The following PNPLA8 variants were observed in gnomAD, a reference collection of about 807,000 sequenced individuals.
The protein encoded by PNPLA8 is calcium-independent phospholipase A2-gamma.
A neutral mutation model predicts 76.9 loss-of-function variants in PNPLA8; 39 were observed. The ratio of observed to expected loss-of-function variants is 0.51; its 90% confidence interval spans 0.39 to 0.66. The LOEUF is 0.66. PNPLA8 is among the 30% of genes least tolerant of loss of function. The probability of loss-of-function intolerance (pLI) is 0.00; values close to 1 mark genes in which losing one functional copy is unlikely to be tolerated. For missense variants in PNPLA8, 887 were observed against 918.0 expected, an observed-to-expected ratio of 0.97 and a Z score of 0.44; for synonymous variants, 301 against 307.9, an observed-to-expected ratio of 0.98 and a Z score of 0.24.
At position 108,491,421 on chromosome 7, in the gene PNPLA8, T is replaced by G. The variant is rs1487254613; in HGVS notation, c.1672A>C (p.Thr558Pro). 1 of 1,602,186 alleles carries G rather than the reference T, an allele frequency of 6.2e-7. No individual in the cohort carries two copies. Among genetic ancestry groups the G allele is most frequent in the Admixed American group, 1.7e-5 (1 of 60,014 alleles). Residue 558 changes from threonine (T) to proline (P), a missense_variant, in exon 8 of 11, where the codon ACA becomes CCA. By Grantham distance (38) the Thr-to-Pro change is conservative (BLOSUM62 -1). Coordinates refer to ENST00000257694, the MANE Select transcript of PNPLA8 (RefSeq NM_001256007.3). ...ALMIETARNP[T>P]CPKVAAVSTI... is the part of the protein sequence containing the mutation. ...GACTCTAAGCTTACCTTAGGACATG[T>G]GGGGTTTCTTGCTGTTTCAATCATC...
At chr7:108,496,783 C>T (rs1218583401) in intron 6 of PNPLA8, 28 bp from the exon 7 acceptor site, 3 of 1,578,706 alleles carry the variant, frequency 1.9e-6, no homozygotes, top group Non-Finnish European at 2.6e-6. Context: ...TAGCTTTTAT[C>T]AGTGTTAAGT....
chr7:108,514,147 G>T lies in PNPLA8; in HGVS notation c.1203C>A (p.Val401=). The change falls in exon 4 of 11, where the codon GTC becomes GTA. Residue 401 remains valine, a synonymous_variant. Coordinates refer to ENST00000257694, the MANE Select transcript of PNPLA8 (RefSeq NM_001256007.3). ...LEFPEGKGVA[V]KERIIPYLLR... ...GATTAAATAAATTAGAAATTACCTT[G>T]ACAGCCACTCCTTTTCCTTCAGGAA... is the stretch of plus-strand genomic sequence containing the variant. 2 of 1,589,560 alleles carry T rather than the reference G, an allele frequency of 1.3e-6. No homozygotes were observed. The highest frequency in any genetic ancestry group is 1.7e-6 in the Non-Finnish European group (2 of 1,165,786).
At chr7:108,502,442 C>CAAAAAAAAAAAA in intron 5 of PNPLA8, 49 bp downstream of exon 5, 1 of 623,264 alleles carries the variant, frequency 1.6e-6, no homozygotes. Flanking sequence ...AACTCCATCT[C>CAAAAAAAAAAAA]AAAAAAAAAA....
Position 108,514,541 on chromosome 7 carries a change from T to C in PNPLA8, c.951A>G (p.Ser317=), listed in dbSNP as rs748205301. The C allele has an allele frequency of 1.9e-6, 3 of 1,613,860 alleles. No homozygotes were observed. The highest frequency in any genetic ancestry group is 1.3e-5 in the African/African-American group (1 of 74,944). Residue 317 remains serine (S), a synonymous_variant, in exon 3 of 11, where the codon TCA becomes TCG. Coordinates refer to ENST00000257694, the MANE Select transcript of PNPLA8 (RefSeq NM_001256007.3). ...CTTCCTGTTCTTCTGACTGACTCTTTGAATCATACTTTAATTTGGGGACAA... is the reference window on the plus strand; with the variant it reads ...CTTCCTGTTCTTCTGACTGACTCTTCGAATCATACTTTAATTTGGGGACAA... The part of the protein sequence containing the change: ...GGLVPKLKYD[S]KSQSEEQEEP...
intron 4 of PNPLA8, among the ~76,000 whole-genome samples, chr7:108,504,536 A>G (rs1862201304): frequency 6.6e-6 from 1 of 152,138 alleles, no homozygotes; most frequent in African/African-American, 2.4e-5. Context: ...CTCAACAAAG[A>G]CCCAATTCAC....
chr7:108,496,739 G>C lies in PNPLA8; in HGVS notation c.1470C>G (p.Phe490Leu). The change falls in exon 7 of 11, where the codon TTC becomes TTG. Residue 490 changes from phenylalanine (F) to leucine (L), a missense_variant. Phe to Leu is a conservative substitution (Grantham distance 22). Coordinates refer to ENST00000257694, the MANE Select transcript of PNPLA8 (RefSeq NM_001256007.3). ...CGVSTGAILA[F>L]MLGLFHMPLD... ...AGGGCATATGAAACAACCCCAACAT[G>C]AAAGCTAATATGGCACCTGGAAAAA... is the stretch of plus-strand genomic sequence containing the variant. 1 of 1,609,670 alleles carries C rather than the reference G, an allele frequency of 6.2e-7. No individual in the cohort carries two copies. Among genetic ancestry groups the C allele is most frequent in the Non-Finnish European group, 8.5e-7 (1 of 1,178,074 alleles).
chr7:108,496,750 T>C lies in PNPLA8; in HGVS notation c.1459A>G (p.Ile487Val), dbSNP rs376656732. 6 of 1,608,118 alleles carry C rather than the reference T, an allele frequency of 3.7e-6. No individual in the cohort carries two copies. Among genetic ancestry groups the C allele is most frequent in the Non-Finnish European group, 5.1e-6 (6 of 1,177,044 alleles). Reference protein sequence around the residue: ...DYICGVSTGAILAFMLGLFHM... With the variant: ...DYICGVSTGAVLAFMLGLFHM... ...AACAACCCCAACATGAAAGCTAATA[T>C]GGCACCTGGAAAAAAGAATCCTTAG... The change falls in exon 7 of 11, where the codon ATA (isoleucine) becomes GTA (valine). Residue 487 changes from isoleucine (I) to valine (V), a missense_variant. Physicochemically the swap from Ile to Val is conservative, Grantham distance 29. Transcript: ENST00000257694.
intron 9 of PNPLA8, among the ~76,000 whole-genome samples, chr7:108,484,331 G>A (rs1439847365): frequency 6.6e-6 from 1 of 152,100 alleles, no homozygotes; most frequent in Non-Finnish European, 1.5e-5. Context: ...TATTCTATCA[G>A]TAGGTCATTG....
chr7:108,514,970 T>G lies in PNPLA8; in HGVS notation c.522A>C (p.Lys174Asn), dbSNP rs1424358989. ...SAEKSPFPEE[K>N]SHIIDKEEDI... ...CTTCTTCTTTGTCTATAATGTGACTTTTCTCTTCTGGAAAAGGACTCTTTT... is the reference window on the plus strand; with the variant it reads ...CTTCTTCTTTGTCTATAATGTGACTGTTCTCTTCTGGAAAAGGACTCTTTT... Residue 174 changes from lysine to asparagine, a missense_variant, in exon 3 of 11, where the codon AAA becomes AAC. Transcript: ENST00000257694. The G allele has an allele frequency of 6.2e-7, 1 of 1,609,524 alleles. No homozygotes were observed. Among genetic ancestry groups the G allele is most frequent in the Admixed American group, 1.7e-5 (1 of 59,810 alleles).
chr7:108,522,472 T>G lies in PNPLA8; in HGVS notation c.-129-951A>C, dbSNP rs1863815580. On this transcript the variant is annotated intron_variant, in intron 1 of 10. Coordinates refer to ENST00000257694, the MANE Select transcript of PNPLA8 (RefSeq NM_001256007.3). ...AACCAACCGCCAATTAGAAAATTTT[T>G]GTATGACCTGGAGGCCCCGTCCCCT... Among the ~76,000 whole-genome samples the G allele has an allele frequency of 2.6e-5, 4 of 152,152 alleles. No homozygotes were observed. In the South Asian group the frequency reaches 8.3e-4, roughly 31 times the overall value.
chr7:108,493,755 T>G lies in PNPLA8; in HGVS notation c.1626-2288A>C, dbSNP rs186790467. On this transcript the variant is annotated intron_variant, in intron 7 of 10. Coordinates refer to ENST00000257694, the MANE Select transcript of PNPLA8 (RefSeq NM_001256007.3). ...ATGTTCCACAAAATAAGTGATACAT[T>G]TCATGTAATTTCCATCCAAATACCA... Among the ~76,000 whole-genome samples, 106 of 151,950 alleles carry G rather than the reference T, an allele frequency of 7.0e-4. 2 individuals are homozygous for G. The East Asian group carries it at 0.019, about 27-fold the overall frequency.
intron 9 of PNPLA8, among the ~76,000 whole-genome samples, chr7:108,480,373 C>A (rs932276853): frequency 5.9e-5 from 9 of 152,042 alleles, no homozygotes; most frequent in African/African-American, 1.9e-4. Flanking sequence ...GTCTCAAAAC[C>A]AAACCAAAAT....
intron 4 of PNPLA8, among the ~76,000 whole-genome samples, chr7:108,504,755 A>C (rs1023808628): frequency 6.6e-6 from 1 of 152,188 alleles, no homozygotes; most frequent in Non-Finnish European, 1.5e-5. Flanking sequence ...TATCAGCACA[A>C]CCACACACAA....
intron 7 of PNPLA8, among the ~76,000 whole-genome samples, chr7:108,495,482 T>C (rs1021054636): frequency 4.6e-5 from 7 of 152,166 alleles, no homozygotes; most frequent in Non-Finnish European, 7.4e-5. Context: ...TGTCTATCTG[T>C]AAGAAATTAC....
Position 108,472,488 on chromosome 7 carries a change from T to A in PNPLA8, c.2262A>T (p.Gln754His). 6.2e-7 allele frequency: 1 copy of A among 1,607,880 alleles called. No individual in the cohort carries two copies. Among genetic ancestry groups the A allele is most frequent in the Non-Finnish European group, 8.5e-7 (1 of 1,176,526 alleles). Residue 754 changes from glutamine (Q) to histidine (H), a missense_variant, in exon 11 of 11, where the codon CAA becomes CAT. Coordinates refer to ENST00000257694, the MANE Select transcript of PNPLA8 (RefSeq NM_001256007.3). ...TAATTTTCTGCAGAGTTGTTTTTTC[T>A]TGACTTAATATTTTTGCAACTTTTT... is the stretch of plus-strand genomic sequence containing the variant. ...KMKKVAKILS[Q>H]EKTTLQKIND...
intron 7 of PNPLA8, 76 bp from the exon 8 acceptor site, chr7:108,491,543 A>C: frequency 1.1e-6 from 1 of 907,084 alleles, no homozygotes; most frequent in Admixed American, 1.8e-5. Flanking sequence ...TACAGTATGC[A>C]ATTACTATTT....
Position 108,471,682 on chromosome 7 carries a change from A to G in PNPLA8, c.*719T>C, listed in dbSNP as rs1234230132. 6.6e-6 allele frequency: 1 copy of G among 152,202 alleles called. No homozygotes were observed. The highest frequency in any genetic ancestry group is 1.9e-4 in the East Asian group (1 of 5,194). 9.4% of individuals were successfully genotyped at this position (152,202 alleles called of 1,614,324 possible). ...AGGAATATCTCCTCAGTAAGTTCAA[A>G]CCATTTTATAACAGGGAAGAATAAG... is the stretch of plus-strand genomic sequence containing the variant. On this transcript the variant is annotated 3_prime_UTR_variant, in exon 11 of 11. Coordinates refer to ENST00000257694, the MANE Select transcript of PNPLA8 (RefSeq NM_001256007.3).
At chr7:108,474,069 C>G (rs1859809840) in intron 10 of PNPLA8, among the ~76,000 whole-genome samples, 1 of 151,964 alleles carries the variant, frequency 6.6e-6, no homozygotes, top group Admixed American at 6.6e-5. Context: ...TATATTATAC[C>G]TCATGATGGG....
chr7:108,506,330 A>G (rs1862420900), intron 4 of PNPLA8, among the ~76,000 whole-genome samples: 4 of 152,102 alleles, frequency 2.6e-5, no homozygotes, highest in Admixed American at 2.6e-4. Context: ...GCAAGCCGAG[A>G]TCGCACCACT....
Sources: allele counts gnomAD v4.1 joint callset (sites outside exome capture counted in the v4.1 genomes callset), GRCh38; gene constraint gnomAD v4.1.1; transcripts MANE v1.5; gene names NCBI Gene and HGNC (gene_info 2026-07-23, HGNC 2026-07-21).